The following IQSEC1 variants were observed in gnomAD, a reference collection of about 807,000 sequenced individuals.
IQSEC1 encodes the protein IQ motif and SEC7 domain-containing protein 1.
A neutral mutation model predicts 91.0 loss-of-function variants in IQSEC1; 31 were observed. The observed-to-expected ratio is 0.34, with a 90% CI of 0.26 to 0.46. The LOEUF (loss-of-function observed/expected upper bound fraction) is 0.46, where lower values mean the gene tolerates loss of function less well. IQSEC1 is among the 20% of genes least tolerant of loss of function. IQSEC1 has a pLI of 1.00. For missense variants in IQSEC1, 1,388 were observed against 1,575.6 expected, an observed-to-expected ratio of 0.88 and a Z score of 2.02; for synonymous variants, 699 against 662.6, an observed-to-expected ratio of 1.05 and a Z score of -0.84.
intron 1 of IQSEC1, among the ~76,000 whole-genome samples, chr3:12,952,412 C>T (rs1185550429): frequency 6.6e-6 from 1 of 152,212 alleles, no homozygotes; most frequent in Non-Finnish European, 1.5e-5. Flanking sequence ...CATCGGGCTG[C>T]TCCGCCTTCA....
chr3:13,003,290 A>AAAG (rs1702501699), intron 1 of IQSEC1, among the ~76,000 whole-genome samples: 1 of 151,520 alleles, frequency 6.6e-6, no homozygotes, highest in South Asian at 2.1e-4. Flanking sequence ...AAAAAAAAAA[A>AAAG]AAAAAAAAAG....
At chr3:13,109,557 C>G (rs193206359) in intron 2 of IQSEC1, among the ~76,000 whole-genome samples, 34 of 152,226 alleles carry the variant, frequency 2.2e-4, no homozygotes, top group African/African-American at 8.2e-4. Context: ...GTGTTTGGGT[C>G]ATACGGGTGG....
chr3:13,070,054 G>A (rs1705362845), intron 1 of IQSEC1, among the ~76,000 whole-genome samples: 1 of 151,904 alleles, frequency 6.6e-6, no homozygotes, highest in East Asian at 1.9e-4. Flanking sequence ...GGCCCAGAGA[G>A]TGGAAGTGGC....
chr3:13,071,153 G>GTT (rs796412810), intron 1 of IQSEC1, among the ~76,000 whole-genome samples: 23,013 of 90,300 alleles, frequency 0.25, 2,256 homozygotes, highest in Middle Eastern at 0.41. Context: ...GTTTTTTTTT[G>GTT]TTTTTTTTTT....
At chr3:13,027,667 G>A (rs116584878) in intron 1 of IQSEC1, among the ~76,000 whole-genome samples, 2,649 of 152,216 alleles carry the variant, frequency 0.017, 30 homozygotes, top group Middle Eastern at 0.027. Flanking sequence ...CTGAACAACT[G>A]GAAAAATGGA....
At chr3:13,176,694 G>C (rs1169235777) in intron 1 of IQSEC1, among the ~76,000 whole-genome samples, 2 of 152,232 alleles carry the variant, frequency 1.3e-5, no homozygotes, top group African/African-American at 2.4e-5. Context: ...AAAGCACAGA[G>C]CTGGCAAGGG....
chr3:12,928,167 G>A (rs1487067978), intron 3 of IQSEC1, among the ~76,000 whole-genome samples: 1 of 151,994 alleles, frequency 6.6e-6, no homozygotes, highest in Non-Finnish European at 1.5e-5. Context: ...GTGGGAGGGG[G>A]CCGGGTTGAG....
chr3:13,047,801 C>T (rs999793928), intron 1 of IQSEC1, among the ~76,000 whole-genome samples: 7 of 152,142 alleles, frequency 4.6e-5, no homozygotes, highest in East Asian at 1.9e-4. Context: ...GGAGAGGAAG[C>T]GCAGTGGGCA....
At chr3:13,250,262 T>C (rs1254465250) in intron 1 of IQSEC1, among the ~76,000 whole-genome samples, 2 of 151,878 alleles carry the variant, frequency 1.3e-5, no homozygotes, top group African/African-American at 2.4e-5. Flanking sequence ...GACAGCGAGA[T>C]AGCTGAGGCT....
chr3:13,123,454 G>A (rs1001312956), intron 2 of IQSEC1, among the ~76,000 whole-genome samples: 1 of 152,226 alleles, frequency 6.6e-6, no homozygotes, highest in African/African-American at 2.4e-5. Context: ...TGGGCCAGTG[G>A]GCATACGACT....
At chr3:13,253,264 G>C (rs1317373543) in intron 1 of IQSEC1, among the ~76,000 whole-genome samples, 1 of 152,212 alleles carries the variant, frequency 6.6e-6, no homozygotes, top group East Asian at 1.9e-4. Context: ...TTGGTAACTT[G>C]CCATAGGGTA....
chr3:13,120,446 C>G (rs1241659500), intron 2 of IQSEC1, among the ~76,000 whole-genome samples: 3 of 152,186 alleles, frequency 2.0e-5, no homozygotes, highest in Non-Finnish European at 4.4e-5. Context: ...GCTCTGCTGC[C>G]CGCAAGCTGT....
intron 12 of IQSEC1, among the ~76,000 whole-genome samples, chr3:12,904,598 C>A (rs1371982178): frequency 6.6e-6 from 1 of 152,204 alleles, no homozygotes; most frequent in Non-Finnish European, 1.5e-5. Context: ...CCTCCTCCAC[C>A]CCCCTCTTGG....
In IQSEC1 at chr3:12,967,292, C is replaced by G; in HGVS notation, c.24-25427G>C. ...TCGCACGCCGGGCGCCCGGTCCCGA[C>G]GGTCACCCGCACTCCCGCACAGGCA... On this transcript the variant is annotated intron_variant, in intron 1 of 13. Transcript: ENST00000613206. This position sits in a 1 kb window ranked among gnomAD's most constrained non-coding sequence, Gnocchi z 5.9. The G allele has an allele frequency of 2.7e-6, 3 of 1,109,540 alleles. No individual in the cohort carries two copies. The highest frequency in any genetic ancestry group is 3.7e-6 in the Non-Finnish European group (3 of 803,838). 68.7% of individuals were successfully genotyped at this position (1,109,540 alleles called of 1,614,324 possible). A position where few individuals can be genotyped will look rare whatever the true frequency, so the allele number is the denominator to read the frequency against.
Position 12,935,585 on chromosome 3 carries a change from G to C in IQSEC1, c.1431C>G (p.Ser477=). 6.2e-7 allele frequency: 1 copy of C among 1,614,132 alleles called. No homozygotes were observed. The change falls in exon 3 of 14, where the codon TCC becomes TCG. Residue 477 remains serine (S), a synonymous_variant. Transcript: ENST00000613206. This position sits in a 1 kb window ranked among gnomAD's most constrained non-coding sequence, Gnocchi z 8.0. ...DTINCSSESS[S]RDSLREQTLS... ...GCGTCTGCTCCCGCAGGCTGTCACG[G>C]GACGATGACTCGGAGCTGCAGTTGA... is the stretch of plus-strand genomic sequence containing the variant.
intron 1 of IQSEC1, among the ~76,000 whole-genome samples, chr3:13,165,041 G>A (rs1317087598): frequency 6.6e-6 from 1 of 152,198 alleles, no homozygotes; most frequent in East Asian, 1.9e-4. Context: ...CCCAGGGGAT[G>A]CCTTTCCCAC....
In IQSEC1 at chr3:13,202,019, A is replaced by C. The variant is rs563336666; in HGVS notation, c.273-37886T>G. Among the ~76,000 whole-genome samples, 5 of 152,358 alleles carry C rather than the reference A, an allele frequency of 3.3e-5. No homozygotes were observed. In the East Asian group the frequency reaches 7.7e-4, roughly 23 times the overall value. Reference sequence around the variant, plus strand: ...TCCAATCCACAGTGACACTCCAGCCAACTGCAGCCGCTGCCAAGAGGAGTC... The same window carrying C: ...TCCAATCCACAGTGACACTCCAGCCCACTGCAGCCGCTGCCAAGAGGAGTC... On this transcript the variant is annotated intron_variant, in intron 1 of 15. Coordinates refer to the IQSEC1 transcript ENST00000648114.
intron 1 of IQSEC1, among the ~76,000 whole-genome samples, chr3:13,059,168 C>T (rs529998669): frequency 6.6e-6 from 1 of 152,270 alleles, no homozygotes; most frequent in African/African-American, 2.4e-5. Flanking sequence ...CTCCCAGGCT[C>T]CTCCCTGGGT....
At chr3:13,180,737 G>A (rs1248295814) in intron 1 of IQSEC1, among the ~76,000 whole-genome samples, 4 of 149,740 alleles carry the variant, frequency 2.7e-5, no homozygotes, top group South Asian at 2.1e-4. Context: ...CGGGAGGAAC[G>A]AACAACTCCA....
Sources: allele counts gnomAD v4.1 joint callset (sites outside exome capture counted in the v4.1 genomes callset), GRCh38; gene constraint gnomAD v4.1.1; non-coding constraint Gnocchi (gnomAD v3.1); transcripts MANE v1.5; gene names NCBI Gene and HGNC (gene_info 2026-07-23, HGNC 2026-07-21).